Variants in AK5 observed in about 807,000 individuals in gnomAD.
AK5 encodes the protein adenylate kinase 5.
In AK5, 27 loss-of-function variants were observed where a neutral mutation model predicts 69.5. That is an observed-to-expected ratio of 0.39 (90% CI 0.29 to 0.54). The LOEUF is 0.54. Among genes scored for constraint, AK5 ranks in the 20% least tolerant of loss-of-function variants. The probability of loss-of-function intolerance (pLI) is 0.71; values close to 1 mark genes in which losing one functional copy is unlikely to be tolerated. For missense variants in AK5, 531 were observed against 700.4 expected (o/e 0.76, Z 2.73); for synonymous variants, 260 against 244.4 (o/e 1.06, Z -0.60).
At chr1:77,530,226 C>T (rs1384629420) in intron 12 of AK5, among the ~76,000 whole-genome samples, 1 of 152,216 alleles carries the variant, frequency 6.6e-6, no homozygotes, top group South Asian at 2.1e-4. Context: ...TTTCTGCTCT[C>T]TTCTGATTCC....
intron 7 of AK5, among the ~76,000 whole-genome samples, chr1:77,415,818 T>C (rs1219821025): frequency 2.6e-5 from 4 of 152,206 alleles, no homozygotes; most frequent in African/African-American, 7.2e-5. Context: ...TGGTGTGTTA[T>C]AAAGAGAAGT....
At chr1:77,541,452 A>G (rs1230878944) in intron 13 of AK5, among the ~76,000 whole-genome samples, 1 of 152,202 alleles carries the variant, frequency 6.6e-6, no homozygotes, top group Non-Finnish European at 1.5e-5. Context: ...GTAGAAAACT[A>G]GGTAGTCCCA....
intron 6 of AK5, among the ~76,000 whole-genome samples, chr1:77,375,718 A>T (rs910148584): frequency 6.6e-6 from 1 of 152,148 alleles, no homozygotes; most frequent in African/African-American, 2.4e-5. Context: ...CTACAGCCAC[A>T]CAATAGAATG....
intron 6 of AK5, among the ~76,000 whole-genome samples, chr1:77,370,346 A>G (rs1647096839): frequency 6.6e-6 from 1 of 152,194 alleles, no homozygotes. Flanking sequence ...GGAAGCAACT[A>G]ACAGACAAAC....
Position 77,338,636 on chromosome 1 carries a change from G to A in AK5, c.700-1741G>A, listed in dbSNP as rs1661489708. On this transcript the variant is annotated intron_variant, in intron 5 of 13. Transcript: ENST00000354567. The stretch of plus-strand genomic sequence containing the variant: ...CACTGAAAGAGTGAGAACCTGGAGA[G>A]GGAAGAGTATGATCTAAGCCTTGGA... Among the ~76,000 whole-genome samples, 3 of 152,158 alleles carry A rather than the reference G, an allele frequency of 2.0e-5. No homozygotes were observed. The South Asian group carries it at 6.2e-4, about 32-fold the overall frequency.
In AK5 at chr1:77,558,582, T is replaced by C; in HGVS notation, c.1621-20T>C. ...TACAGATATTTCAGACTAACTCTCT[T>C]TTTTTCCTTTTAAATATAGATAAAT... is the stretch of plus-strand genomic sequence containing the variant. On this transcript the variant is annotated intron_variant, in intron 13 of 13. Transcript: ENST00000354567. 6.8e-7 allele frequency: 1 copy of C among 1,463,630 alleles called. No individual in the cohort carries two copies. The highest frequency in any genetic ancestry group is 9.6e-7 in the Non-Finnish European group (1 of 1,046,380). The allele number at this position is 1,463,630 out of a possible 1,614,324, so 90.7% of individuals were successfully genotyped here. A position where few individuals can be genotyped will look rare whatever the true frequency, so the allele number is the denominator to read the frequency against.
At chr1:77,397,074 A>G (rs1054446323) in intron 6 of AK5, among the ~76,000 whole-genome samples, 5 of 152,232 alleles carry the variant, frequency 3.3e-5, no homozygotes, top group Admixed American at 3.3e-4. Context: ...AAGCCTTCAG[A>G]TAACTGTAAG....
chr1:77,353,727 T>A (rs1350583713), intron 6 of AK5, among the ~76,000 whole-genome samples: 1 of 152,162 alleles, frequency 6.6e-6, no homozygotes, highest in East Asian at 1.9e-4. Flanking sequence ...CTTGTCTGTG[T>A]TTTTGCCTCC....
chr1:77,493,334 C>CG (rs201672691), intron 10 of AK5, among the ~76,000 whole-genome samples: 28 of 151,784 alleles, frequency 1.8e-4, no homozygotes, highest in African/African-American at 6.8e-4. Context: ...AGCAGCCCCC[C>CG]CCAGGTTCTC....
At chr1:77,433,349 T>G (rs1212137941) in intron 8 of AK5, among the ~76,000 whole-genome samples, 3 of 152,234 alleles carry the variant, frequency 2.0e-5, no homozygotes, top group Non-Finnish European at 2.9e-5. Context: ...TAAAATATGT[T>G]TAGTTTTATC....
At chr1:77,437,073 C>T (rs1035663133) in intron 8 of AK5, among the ~76,000 whole-genome samples, 27 of 152,188 alleles carry the variant, frequency 1.8e-4, no homozygotes, top group African/African-American at 6.0e-4. Flanking sequence ...GTAAAACTGC[C>T]TGACCAGTAA....
At chr1:77,497,185 C>G (rs184802774) in intron 10 of AK5, among the ~76,000 whole-genome samples, 2 of 152,178 alleles carry the variant, frequency 1.3e-5, no homozygotes, top group East Asian at 1.9e-4. Flanking sequence ...CAACTCCGGA[C>G]GTGCCACCCT....
In AK5 at chr1:77,536,015, G is replaced by C; in HGVS notation, c.1597G>C (p.Glu533Gln). Residue 533 changes from glutamate to glutamine, a missense_variant, in exon 13 of 14, where the codon GAG becomes CAG. Transcript: ENST00000354567. ...RASIPVIAYY[E>Q]TKTQLHKINA... is the part of the protein sequence containing the mutation. ...GTCCATCCCCGTGATCGCCTACTAC[G>C]AGACAAAAACACAGCTACACAAGGC... The C allele has an allele frequency of 6.2e-7, 1 of 1,612,578 alleles. No individual in the cohort carries two copies. Among genetic ancestry groups the C allele is most frequent in the Non-Finnish European group, 8.5e-7 (1 of 1,179,774 alleles).
intron 8 of AK5, among the ~76,000 whole-genome samples, chr1:77,479,196 CTTTTTT>C (rs67079216): frequency 5.6e-5 from 4 of 71,908 alleles, no homozygotes; most frequent in African/African-American, 1.1e-4. Context: ...CTGAAATTGT[CTTTTTT>C]TTTTTTTTTT....
chr1:77,344,994 CA>C (rs11290615), intron 6 of AK5, among the ~76,000 whole-genome samples: 86,056 of 140,046 alleles, frequency 0.61, 25,329 homozygotes, highest in East Asian at 0.83. Flanking sequence ...TTAAATTGTG[CA>C]AAAAAAAAAA....
At chr1:77,294,892 G>A (rs1042972906) in intron 3 of AK5, among the ~76,000 whole-genome samples, 7 of 152,022 alleles carry the variant, frequency 4.6e-5, no homozygotes, top group African/African-American at 1.7e-4. Flanking sequence ...AGCTGGGCGT[G>A]GTGACACACA....
At position 77,305,779 on chromosome 1, in the gene AK5, T is replaced by C. The variant is rs556326656; in HGVS notation, c.699+7832T>C. On this transcript the variant is annotated intron_variant, in intron 5 of 13. Transcript: ENST00000354567. ...ATAATTTGAAGTCAGGTAATGTGAT[T>C]CTTCCAGTTGTGTTCTTTTTGCTCA... is the stretch of plus-strand genomic sequence containing the variant. Among the ~76,000 whole-genome samples, 69 of 152,244 alleles carry C rather than the reference T, an allele frequency of 4.5e-4. No individual in the cohort carries two copies. In the South Asian group the frequency reaches 0.01, roughly 23 times the overall value.
chr1:77,321,572 A>G (rs1660537009), intron 5 of AK5, among the ~76,000 whole-genome samples: 2 of 152,358 alleles, frequency 1.3e-5, no homozygotes, highest in Middle Eastern at 6.8e-3. Context: ...AGTTCATTAA[A>G]AAACCAGCAA....
intron 1 of AK5, chr1:77,283,402 T>TA: frequency 1.0e-6 from 1 of 985,346 alleles, no homozygotes; most frequent in Non-Finnish European, 1.2e-6. Flanking sequence ...ACGGATAGAC[T>TA]GATATCGTAA....
Sources: gnomAD v4.1 joint callset for allele counts (sites outside exome capture counted in the v4.1 genomes callset) on GRCh38, gnomAD v4.1.1 for gene constraint, MANE v1.5 for transcripts, NCBI Gene and HGNC (gene_info 2026-07-23, HGNC 2026-07-21) for gene names.